Variants in TMEM178B observed in about 807,000 individuals in gnomAD.
The protein encoded by TMEM178B is transmembrane protein 178B.
Under a neutral mutation model 31.0 loss-of-function variants are expected in TMEM178B, and 5 were observed. The observed-to-expected ratio is 0.16, with a 90% CI of 0.08 to 0.34. TMEM178B has a LOEUF of 0.34. Among genes scored for constraint, TMEM178B ranks in the 10% least tolerant of loss-of-function variants. The pLI is 1.00. For synonymous variants in TMEM178B, 164 were observed against 164.0 expected, an observed-to-expected ratio of 1.00 and a Z score of 0.00; for missense variants, 275 against 400.3, an observed-to-expected ratio of 0.69 and a Z score of 2.67.
chr7:141,501,093 T>A, the TMEM178B span, among the ~76,000 whole-genome samples: 17 of 152,084 alleles, frequency 1.1e-4, no homozygotes, highest in Non-Finnish European at 1.9e-4. Flanking sequence ...CTTGGGAGGG[T>A]CTCCAGTAGA....
chr7:141,135,603 GA>G (rs1795663331), intron 1 of TMEM178B, among the ~76,000 whole-genome samples: 1 of 152,118 alleles, frequency 6.6e-6, no homozygotes, highest in Non-Finnish European at 1.5e-5. Flanking sequence ...CAAATGCATG[GA>G]AATTAAACAA....
chr7:141,329,878 C>G (rs1469527480), intron 2 of TMEM178B, among the ~76,000 whole-genome samples: 1 of 152,202 alleles, frequency 6.6e-6, no homozygotes, highest in Admixed American at 6.5e-5. Context: ...GGACATGACA[C>G]TCACACAAAG....
chr7:141,459,068 T>C (rs10248225), intron 3 of TMEM178B, among the ~76,000 whole-genome samples: 43,151 of 152,140 alleles, frequency 0.28, 6,917 homozygotes, highest in African/African-American at 0.43. Context: ...TCACTCTTAT[T>C]GCCCAGGCTC....
intron 2 of TMEM178B, among the ~76,000 whole-genome samples, chr7:141,424,923 C>T (rs781699846): frequency 4.6e-5 from 7 of 152,120 alleles, no homozygotes; most frequent in Non-Finnish European, 7.3e-5. Context: ...TGAAGTGGCA[C>T]GGATCATGAA....
chr7:141,131,904 C>T (rs140258600), intron 1 of TMEM178B, among the ~76,000 whole-genome samples: 5 of 152,278 alleles, frequency 3.3e-5, no homozygotes, highest in African/African-American at 1.2e-4. Context: ...ATACACCCAC[C>T]AACAATATAG....
At chr7:141,185,742 C>T (rs1180841800) in intron 1 of TMEM178B, among the ~76,000 whole-genome samples, 1 of 152,058 alleles carries the variant, frequency 6.6e-6, no homozygotes, top group African/African-American at 2.4e-5. Flanking sequence ...AACAAAAATG[C>T]CAGTCCTCAC....
At chr7:141,114,426 T>TCTC (rs1795286240) in intron 1 of TMEM178B, among the ~76,000 whole-genome samples, 1 of 152,066 alleles carries the variant, frequency 6.6e-6, no homozygotes, top group African/African-American at 2.4e-5. Flanking sequence ...CTGCACTGTA[T>TCTC]ATCTCTCCCT....
intron 2 of TMEM178B, among the ~76,000 whole-genome samples, chr7:141,393,548 T>C (rs990976968): frequency 1.3e-5 from 2 of 152,192 alleles, no homozygotes; most frequent in Non-Finnish European, 2.9e-5. Context: ...CTGGACACCA[T>C]GAGATCAGAG....
intron 2 of TMEM178B, among the ~76,000 whole-genome samples, chr7:141,391,513 T>A (rs1435360063): frequency 1.3e-5 from 2 of 152,032 alleles, no homozygotes; most frequent in African/African-American, 4.8e-5. Context: ...CTTGAAGTGA[T>A]TTTTTTTATT....
chr7:141,377,387 T>C (rs1350648454), intron 2 of TMEM178B, among the ~76,000 whole-genome samples: 5 of 151,236 alleles, frequency 3.3e-5, no homozygotes, highest in African/African-American at 1.2e-4. Flanking sequence ...TTTCACCACG[T>C]TGGCCGGCTG....
At chr7:141,200,282 A>T (rs940329045) in intron 1 of TMEM178B, among the ~76,000 whole-genome samples, 4 of 151,980 alleles carry the variant, frequency 2.6e-5, no homozygotes, top group Admixed American at 1.3e-4. Flanking sequence ...GGGAGACAGG[A>T]TGGCTTAAGG....
chr7:141,453,409 A>C (rs1181777), intron 3 of TMEM178B, among the ~76,000 whole-genome samples: 109,660 of 152,208 alleles, frequency 0.72, 40,225 homozygotes, highest in South Asian at 0.84. Flanking sequence ...CAACTCTATC[A>C]CACTCTTAAT....
intron 1 of TMEM178B, among the ~76,000 whole-genome samples, chr7:141,127,180 A>C (rs1163040143): frequency 6.6e-6 from 1 of 152,174 alleles, no homozygotes; most frequent in Non-Finnish European, 1.5e-5. Context: ...TTTCTCCTGC[A>C]AGGGATCGAG....
At chr7:141,257,267 G>T (rs891208976) in intron 2 of TMEM178B, among the ~76,000 whole-genome samples, 2 of 152,230 alleles carry the variant, frequency 1.3e-5, no homozygotes, top group African/African-American at 4.8e-5. Context: ...CTAGCTGGTT[G>T]TTGGTGATCC....
intron 2 of TMEM178B, among the ~76,000 whole-genome samples, chr7:141,433,352 T>C (rs555694927): frequency 6.6e-6 from 1 of 152,276 alleles, no homozygotes; most frequent in South Asian, 2.1e-4. Flanking sequence ...ATGAGCCTTT[T>C]GGGGATTCCA....
At chr7:141,463,693 A>T (rs1802101016) in intron 3 of TMEM178B, among the ~76,000 whole-genome samples, 2 of 152,224 alleles carry the variant, frequency 1.3e-5, no homozygotes, top group South Asian at 4.1e-4. Flanking sequence ...AGCTGGAAGA[A>T]GGCCCTTCTG....
the TMEM178B span, among the ~76,000 whole-genome samples, chr7:141,486,729 C>T: frequency 6.6e-6 from 1 of 152,164 alleles, no homozygotes; most frequent in Non-Finnish European, 1.5e-5. Flanking sequence ...TTGTGTCAGG[C>T]ACAGTCCTGG....
intron 2 of TMEM178B, among the ~76,000 whole-genome samples, chr7:141,364,659 CAAAAA>C (rs980786132): frequency 4.2e-5 from 2 of 47,694 alleles, no homozygotes; most frequent in Admixed American, 2.7e-4. Flanking sequence ...GACTCTGTCT[CAAAAA>C]AAAAAAAAAA....
At position 141,171,718 on chromosome 7, in the gene TMEM178B, G is replaced by A. The variant is rs894023152; in HGVS notation, c.383-40873G>A. ...CAAAGACAGTGTCTTAGACAGGGCA[G>A]GGGGTAGAGAGGCGACAGTTAAGCA... On this transcript the variant is annotated intron_variant, in intron 1 of 3. Transcript: ENST00000565468. The surrounding 1 kb of genome is among the most constrained non-coding windows in gnomAD (Gnocchi z 4.3). 5.3e-5 allele frequency among the ~76,000 whole-genome samples: 8 copies of A among 152,184 alleles called. No homozygotes were observed. The highest frequency in any genetic ancestry group is 1.9e-4 in the African/African-American group (8 of 41,428).
Sources: gnomAD v4.1 joint callset for allele counts (sites outside exome capture counted in the v4.1 genomes callset) on GRCh38, gnomAD v4.1.1 for gene constraint, Gnocchi (gnomAD v3.1) non-coding constraint, MANE v1.5 for transcripts, NCBI Gene and HGNC (gene_info 2026-07-23, HGNC 2026-07-21) for gene names.